Variants in DSE observed in about 807,000 individuals in gnomAD.
DSE encodes dermatan-sulfate epimerase.
Under a neutral mutation model 84.4 loss-of-function variants are expected in DSE, and 36 were observed. The observed-to-expected ratio is 0.43, with a 90% CI of 0.33 to 0.56. The LOEUF (loss-of-function observed/expected upper bound fraction) is 0.56, where lower values mean the gene tolerates loss of function less well. Ranked by LOEUF, DSE falls within the 20% of genes least tolerant of loss-of-function variation. The pLI is 0.06. For missense variants in DSE, 862 were observed against 1,169.6 expected (o/e 0.74, Z 3.84); for synonymous variants, 410 against 430.1 (o/e 0.95, Z 0.58).
intron 1 of DSE, 149 bp from the exon 2 acceptor site, chr6:116,399,049 C>T: frequency 1.6e-6 from 1 of 639,372 alleles, no homozygotes; most frequent in Non-Finnish European, 2.6e-6. Flanking sequence ...TAGTAATTTT[C>T]TTCCTAATTA....
intron 2 of DSE, among the ~76,000 whole-genome samples, chr6:116,422,770 T>A (rs549716032): frequency 1.3e-5 from 2 of 152,352 alleles, no homozygotes; most frequent in African/African-American, 4.8e-5. Context: ...GGATTCTTGC[T>A]AAGGTTACAG....
At chr6:116,391,478 C>T (rs931762363) in intron 1 of DSE, among the ~76,000 whole-genome samples, 15 of 152,108 alleles carry the variant, frequency 9.9e-5, no homozygotes, top group African/African-American at 3.1e-4. Context: ...TAAGAGCTCT[C>T]GGTTTTGGCC....
chr6:116,259,139 T>TACGTCGAGCAACAGAGACA, intron 2 of DSE: 1 of 1,209,238 alleles, frequency 8.3e-7, no homozygotes, highest in Non-Finnish European at 1.2e-6. Context: ...CCTGAGTGTC[T>TACGTCGAGCAACAGAGACA]CTGTTGCTCG....
chr6:116,371,101 A>G lies in DSE; in HGVS notation c.-74A>G. The G allele has an allele frequency of 2.0e-6, 2 of 986,118 alleles. No homozygotes were observed. Among genetic ancestry groups the G allele is most frequent in the Non-Finnish European group, 2.4e-6 (2 of 830,554 alleles). 61.1% of individuals were successfully genotyped at this position (986,118 alleles called of 1,614,324 possible). On this transcript the variant is annotated 5_prime_UTR_variant, in exon 1 of 6. Coordinates refer to ENST00000644252, the MANE Select transcript of DSE (RefSeq NM_013352.4). Reference sequence around the variant, plus strand: ...GGCTGCGGAGGCGACGCCGGAGAGAACGAAGCCTCGGCTGGGAGCGGTAAG... The same window carrying G: ...GGCTGCGGAGGCGACGCCGGAGAGAGCGAAGCCTCGGCTGGGAGCGGTAAG...
At chr6:116,410,713 G>A (rs1226858167) in intron 2 of DSE, among the ~76,000 whole-genome samples, 12 of 114,786 alleles carry the variant, frequency 1.0e-4, no homozygotes, top group African/African-American at 1.7e-4. Flanking sequence ...CAGCCTGGGC[G>A]ACAGAGCGAG....
chr6:116,275,821 A>C (rs1034631479), intron 2 of DSE, among the ~76,000 whole-genome samples: 1 of 150,214 alleles, frequency 6.7e-6, no homozygotes, highest in Non-Finnish European at 1.5e-5. Flanking sequence ...AAAAAATGCT[A>C]GATGCAATGA....
chr6:116,281,280 A>G (rs181972458), intron 2 of DSE, among the ~76,000 whole-genome samples: 7 of 152,336 alleles, frequency 4.6e-5, no homozygotes, highest in Admixed American at 3.3e-4. Flanking sequence ...GTAAGGAAAT[A>G]GATTCAATCC....
chr6:116,272,761 G>C (rs770596552), intron 2 of DSE, among the ~76,000 whole-genome samples: 2 of 152,182 alleles, frequency 1.3e-5, no homozygotes, highest in Non-Finnish European at 2.9e-5. Flanking sequence ...TATATATAAT[G>C]ATCAGCCAGG....
intron 2 of DSE, among the ~76,000 whole-genome samples, chr6:116,272,528 T>C (rs1425449202): frequency 6.6e-6 from 1 of 152,212 alleles, no homozygotes; most frequent in African/African-American, 2.4e-5. Context: ...GAAATAGATA[T>C]ACTGAAACTC....
At position 116,430,743 on chromosome 6, in the gene DSE, A is replaced by G. The variant is rs143281839; in HGVS notation, c.671-211A>G. ...ATTTTAGTGGAGACAGTGTTTCACC[A>G]TATTAGCCAGGAAGAACTTCCTAAC... On this transcript the variant is annotated intron_variant, in intron 3 of 5. Coordinates refer to ENST00000644252, the MANE Select transcript of DSE (RefSeq NM_013352.4). Among the ~76,000 whole-genome samples the G allele has an allele frequency of 0.014, 2,074 of 151,956 alleles. 46 individuals are homozygous for G. The highest frequency in any genetic ancestry group is 0.046 in the African/African-American group (1,895 of 41,380).
At chr6:116,348,685 T>A (rs1290849796) in intron 2 of DSE, among the ~76,000 whole-genome samples, 1 of 152,184 alleles carries the variant, frequency 6.6e-6, no homozygotes. Context: ...CGTATGTTTA[T>A]TGCGGCATTA....
chr6:116,339,838 G>A (rs1173466970), intron 2 of DSE, among the ~76,000 whole-genome samples: 2 of 152,138 alleles, frequency 1.3e-5, no homozygotes, highest in Non-Finnish European at 2.9e-5. Context: ...CTGCATTTAG[G>A]ATGTTAGTGA....
At chr6:116,258,372 A>C in intron 1 of DSE, 2 of 628,376 alleles carry the variant, frequency 3.2e-6, no homozygotes. Flanking sequence ...TGAAATTCAT[A>C]TTGTATATCA....
At position 116,411,568 on chromosome 6, in the gene DSE, A is replaced by G. The variant is rs553498153; in HGVS notation, c.416+11902A>G. On this transcript the variant is annotated intron_variant, in intron 2 of 5. Coordinates refer to ENST00000644252, the MANE Select transcript of DSE (RefSeq NM_013352.4). ...CAACTTAGTGAGCAATTTTTAGTTC[A>G]TATCTGTGATTCATTTACAGTGAGT... is the stretch of plus-strand genomic sequence containing the variant. Among the ~76,000 whole-genome samples the G allele has an allele frequency of 8.5e-5, 13 of 152,364 alleles. No individual in the cohort carries two copies. In the South Asian group the frequency reaches 2.5e-3, roughly 29 times the overall value.
At chr6:116,405,873 C>T (rs1352381457) in intron 2 of DSE, among the ~76,000 whole-genome samples, 2 of 152,180 alleles carry the variant, frequency 1.3e-5, no homozygotes, top group Admixed American at 6.5e-5. Flanking sequence ...TGCCATTGGA[C>T]AGTTGTGTGG....
At chr6:116,300,614 A>T (rs773002710) in intron 2 of DSE, among the ~76,000 whole-genome samples, 1 of 152,246 alleles carries the variant, frequency 6.6e-6, no homozygotes, top group East Asian at 1.9e-4. Context: ...GCCTCAGGCA[A>T]TCAAGTCTAA....
Position 116,433,515 on chromosome 6 carries a change from G to C in DSE, c.1083G>C (p.Gly361=). The C allele has an allele frequency of 6.3e-7, 1 of 1,575,314 alleles. No individual in the cohort carries two copies. Among genetic ancestry groups the C allele is most frequent in the South Asian group, 1.2e-5 (1 of 85,900 alleles). ...VVEGPGTPSK[G]QRWCTLHTEF... ...AAGGTCCAGGAACACCATCCAAAGG[G>C]CAGCGCTGGTGCACTCTGCACACAG... is the stretch of plus-strand genomic sequence containing the variant. Residue 361 remains glycine (G), a synonymous_variant, in exon 5 of 6, where the codon GGG becomes GGC. Coordinates refer to ENST00000644252, the MANE Select transcript of DSE (RefSeq NM_013352.4).
intron 2 of DSE, among the ~76,000 whole-genome samples, chr6:116,406,468 C>T (rs142371672): frequency 2.8e-4 from 43 of 152,282 alleles, no homozygotes; most frequent in African/African-American, 9.4e-4. Context: ...TGGCAAGTGC[C>T]GCATGTATGT....
chr6:116,418,260 G>A (rs1408911489), intron 2 of DSE, among the ~76,000 whole-genome samples: 1 of 152,104 alleles, frequency 6.6e-6, no homozygotes, highest in Non-Finnish European at 1.5e-5. Flanking sequence ...ATGACCTTGA[G>A]GTATTGGAAA....
Sources: allele counts gnomAD v4.1 joint callset (sites outside exome capture counted in the v4.1 genomes callset), GRCh38; gene constraint gnomAD v4.1.1; transcripts MANE v1.5; gene names NCBI Gene and HGNC (gene_info 2026-07-23, HGNC 2026-07-21).